UNC5D: variants seen among roughly 807,000 people sequenced by gnomAD.
UNC5D encodes the protein netrin receptor UNC5D.
In UNC5D, 39 loss-of-function variants were observed where a neutral mutation model predicts 105.4. That is an observed-to-expected ratio of 0.37 (90% CI 0.29 to 0.48). UNC5D has a LOEUF of 0.48. Ranked by LOEUF, UNC5D falls within the 20% of genes least tolerant of loss-of-function variation. UNC5D has a pLI of 0.98. For missense variants in UNC5D, 991 were observed against 1,202.4 expected, an observed-to-expected ratio of 0.82 and a Z score of 2.60; for synonymous variants, 452 against 450.4, an observed-to-expected ratio of 1.00 and a Z score of -0.04.
intron 16 of UNC5D, among the ~76,000 whole-genome samples, chr8:35,778,965 C>T (rs1802380776): frequency 6.6e-6 from 1 of 152,224 alleles, no homozygotes; most frequent in Non-Finnish European, 1.5e-5. Context: ...ACACAGGTGG[C>T]CTTGCCGCTT....
intron 1 of UNC5D, among the ~76,000 whole-genome samples, chr8:35,343,126 C>G (rs938878997): frequency 6.6e-6 from 1 of 152,082 alleles, no homozygotes. Context: ...CACTGCTGGT[C>G]TGGGGACTTT....
chr8:35,775,793 C>T (rs762392107), intron 16 of UNC5D, among the ~76,000 whole-genome samples: 3 of 152,072 alleles, frequency 2.0e-5, no homozygotes, highest in South Asian at 2.1e-4. Flanking sequence ...AAGCCAAGAA[C>T]GAAGGGCTCA....
At chr8:35,477,763 G>A (rs181492657) in intron 1 of UNC5D, among the ~76,000 whole-genome samples, 12 of 152,092 alleles carry the variant, frequency 7.9e-5, no homozygotes, top group Non-Finnish European at 1.5e-4. Flanking sequence ...ACACTCAGTG[G>A]TAATATTTGA....
chr8:35,717,038 G>A (rs556856469), intron 8 of UNC5D, among the ~76,000 whole-genome samples: 7 of 152,206 alleles, frequency 4.6e-5, no homozygotes, highest in Admixed American at 1.3e-4. Context: ...TGGTTGCCTC[G>A]TTTTCTGTTT....
At position 35,664,201 on chromosome 8, in the gene UNC5D, T is replaced by G. The variant is rs150186777; in HGVS notation, c.571-19346T>G. The stretch of plus-strand genomic sequence containing the variant: ...ATAGTTTTACCTATAAAATTATCAC[T>G]GCCAACCTAAAGCCCACAAAGAAGC... On this transcript the variant is annotated intron_variant, in intron 4 of 16. Coordinates refer to ENST00000404895, the MANE Select transcript of UNC5D (RefSeq NM_080872.4). Among the ~76,000 whole-genome samples, 198 of 152,294 alleles carry G rather than the reference T, an allele frequency of 1.3e-3. 1 individual carries two copies. The highest frequency in any genetic ancestry group is 4.6e-3 in the African/African-American group (191 of 41,568).
chr8:35,542,023 G>C (rs1815313012), intron 1 of UNC5D, among the ~76,000 whole-genome samples: 1 of 152,166 alleles, frequency 6.6e-6, no homozygotes, highest in Admixed American at 6.6e-5. Context: ...TTTAAGATCT[G>C]CTCGATAAAG....
intron 1 of UNC5D, among the ~76,000 whole-genome samples, chr8:35,543,710 T>C (rs929986783): frequency 1.8e-4 from 28 of 152,308 alleles, no homozygotes; most frequent in African/African-American, 6.5e-4. Context: ...ATATAGTTGG[T>C]AGAACACTAG....
At chr8:35,591,661 T>C (rs903267774) in intron 3 of UNC5D, among the ~76,000 whole-genome samples, 1 of 152,190 alleles carries the variant, frequency 6.6e-6, no homozygotes, top group Non-Finnish European at 1.5e-5. Flanking sequence ...AATCTCATTG[T>C]CACTTTATCA....
intron 4 of UNC5D, among the ~76,000 whole-genome samples, chr8:35,600,921 T>G (rs1819832734): frequency 6.6e-6 from 1 of 152,150 alleles, no homozygotes; most frequent in South Asian, 2.1e-4. Context: ...TCTAGGGTTT[T>G]TATGGTTTTA....
At chr8:35,772,784 A>G (rs1267441199) in intron 15 of UNC5D, among the ~76,000 whole-genome samples, 1 of 144,266 alleles carries the variant, frequency 6.9e-6, no homozygotes, top group Non-Finnish European at 1.5e-5. Flanking sequence ...GCATGTTCTC[A>G]TCTGGAGCTC....
intron 1 of UNC5D, among the ~76,000 whole-genome samples, chr8:35,455,148 G>T (rs1189098513): frequency 6.6e-6 from 1 of 152,028 alleles, no homozygotes; most frequent in Non-Finnish European, 1.5e-5. Flanking sequence ...TCTGTCATCT[G>T]TCTTTCTATC....
At chr8:35,280,593 G>T (rs1806082165) in intron 1 of UNC5D, among the ~76,000 whole-genome samples, 2 of 152,138 alleles carry the variant, frequency 1.3e-5, no homozygotes, top group Non-Finnish European at 2.9e-5. Context: ...TCTCTTTGGT[G>T]ATTCTCTTAA....
At chr8:35,731,748 A>G (rs1479155858) in intron 11 of UNC5D, among the ~76,000 whole-genome samples, 1 of 152,190 alleles carries the variant, frequency 6.6e-6, no homozygotes, top group Non-Finnish European at 1.5e-5. Flanking sequence ...GCTAAGCCTT[A>G]GGCAAATACA....
chr8:35,661,178 T>C (rs537489156), intron 4 of UNC5D, among the ~76,000 whole-genome samples: 1 of 152,146 alleles, frequency 6.6e-6, no homozygotes, highest in Non-Finnish European at 1.5e-5. Context: ...AACAGTGCTA[T>C]ACATATAGAG....
chr8:35,376,388 T>G (rs1368670077), intron 1 of UNC5D, among the ~76,000 whole-genome samples: 1 of 152,164 alleles, frequency 6.6e-6, no homozygotes, highest in Non-Finnish European at 1.5e-5. Flanking sequence ...CGAGTGATCC[T>G]GTTTCTGAAA....
rs770237823 is a variant in UNC5D at position 35,683,721 on chromosome 8, G to A, written c.745G>A (p.Val249Ile). 6 of 1,537,568 alleles carry A rather than the reference G, an allele frequency of 3.9e-6. No homozygotes were observed. The highest frequency in any genetic ancestry group is 1.3e-5 in the South Asian group (1 of 76,720). ...GAGAAGCCTGTCGGCCACTGTTGTG[G>A]TCTACGGTAAGACCATTCCAAAGGC... ...KRRSLSATVV[V>I]YVNGGWSSWT... Residue 249 changes from valine (V) to isoleucine (I), a missense_variant, in exon 5 of 17, where the codon GTC becomes ATC. Val to Ile is a conservative substitution (Grantham distance 29, BLOSUM62 3). Around this residue, in one of 3 missense-constraint regions of UNC5D, gnomAD observed 944 missense variants for 1,131.6 expected, o/e 0.83. Transcript: ENST00000404895.
intron 12 of UNC5D, among the ~76,000 whole-genome samples, chr8:35,749,665 G>T (rs1586582960): frequency 6.6e-6 from 1 of 152,122 alleles, no homozygotes. Context: ...GGGGCATGAA[G>T]TTCCATGGGT....
chr8:35,695,710 A>T (rs539163083), intron 7 of UNC5D, among the ~76,000 whole-genome samples: 7 of 146,338 alleles, frequency 4.8e-5, no homozygotes, highest in African/African-American at 7.7e-5. Context: ...GTATTTTTAT[A>T]TTATTTATTT....
At position 35,568,088 on chromosome 8, in the gene UNC5D, C is replaced by T; in HGVS notation, c.323-10C>T. ...TCAGCTGATTTGTCTCTTATCTCTC[C>T]CACCATCAGGTTTGAAGGTCCGCGA... On this transcript the variant is annotated splice_polypyrimidine_tract_variant and intron_variant, in intron 2 of 16. Transcript: ENST00000404895. The T allele has an allele frequency of 1.2e-6, 2 of 1,613,508 alleles. No individual in the cohort carries two copies. The highest frequency in any genetic ancestry group is 1.7e-6 in the Non-Finnish European group (2 of 1,179,722).
Sources: gnomAD v4.1 joint callset for allele counts (sites outside exome capture counted in the v4.1 genomes callset) on GRCh38, gnomAD v4.1.1 for gene constraint, gnomAD v4.1.1 regional missense constraint, MANE v1.5 for transcripts, NCBI Gene and HGNC (gene_info 2026-07-23, HGNC 2026-07-21) for gene names.